MORC1: variants seen among roughly 807,000 people sequenced by gnomAD.
The protein encoded by MORC1 is MORC family CW-type zinc finger 1.
In MORC1, 59 loss-of-function variants were observed where a neutral mutation model predicts 134.9. That is an observed-to-expected ratio of 0.44 (90% CI 0.35 to 0.54). The LOEUF (loss-of-function observed/expected upper bound fraction) is 0.54, where lower values mean the gene tolerates loss of function less well. Ranked by LOEUF, MORC1 falls within the 20% of genes least tolerant of loss-of-function variation. The pLI is 0.00. For missense variants in MORC1, 947 were observed against 1,134.5 expected (o/e 0.83, Z 2.37); for synonymous variants, 395 against 391.7 (o/e 1.01, Z -0.10).
intron 17 of MORC1, among the ~76,000 whole-genome samples, chr3:109,011,573 G>GTGCAA (rs770851052): frequency 2.0e-5 from 3 of 150,244 alleles, no homozygotes; most frequent in Non-Finnish European, 4.4e-5. Context: ...CCAGGCTGAA[G>GTGCAA]TGCAATGGCA....
At chr3:109,042,927 G>T (rs1357251099) in intron 14 of MORC1, among the ~76,000 whole-genome samples, 1 of 152,074 alleles carries the variant, frequency 6.6e-6, no homozygotes, top group Admixed American at 6.6e-5. Context: ...GCTGGGGGAG[G>T]GGGTTGGGGA....
At chr3:108,978,698 A>T (rs1436419847) in intron 24 of MORC1, among the ~76,000 whole-genome samples, 1 of 152,152 alleles carries the variant, frequency 6.6e-6, no homozygotes, top group African/African-American at 2.4e-5. Flanking sequence ...GAGAACTCTC[A>T]TCTTCAGGAA....
At chr3:109,115,011 G>T (rs761842336) in intron 1 of MORC1, among the ~76,000 whole-genome samples, 2 of 152,120 alleles carry the variant, frequency 1.3e-5, no homozygotes, top group African/African-American at 4.8e-5. Context: ...CCAGGTCCTC[G>T]GTAACAGAAT....
At chr3:109,060,660 C>T (rs1169324959) in intron 11 of MORC1, among the ~76,000 whole-genome samples, 1 of 152,010 alleles carries the variant, frequency 6.6e-6, no homozygotes, top group Admixed American at 6.6e-5. Context: ...TTCATCTTCC[C>T]ATAAGAATTT....
chr3:109,069,353 C>T (rs942670042), intron 9 of MORC1, among the ~76,000 whole-genome samples: 2 of 152,106 alleles, frequency 1.3e-5, no homozygotes, highest in African/African-American at 4.8e-5. Context: ...TGGAACTAAT[C>T]ACTGTCATAG....
At chr3:109,011,235 A>G (rs972678555) in intron 17 of MORC1, among the ~76,000 whole-genome samples, 3 of 152,086 alleles carry the variant, frequency 2.0e-5, no homozygotes, top group Non-Finnish European at 4.4e-5. Flanking sequence ...AACCAAAACA[A>G]AAAAAACCCT....
Position 109,041,477 on chromosome 3 carries a change from C to T in MORC1, c.1331-6009G>A, listed in dbSNP as rs577404068. On this transcript the variant is annotated intron_variant, in intron 14 of 27. Coordinates refer to ENST00000232603, the MANE Select transcript of MORC1 (RefSeq NM_014429.4). ...CTGTAATTCTAGCACTTTGGGAGGC[C>T]GAGGTGGGCGGATCACCTGAGATCA... is the stretch of plus-strand genomic sequence containing the variant. Among the ~76,000 whole-genome samples the T allele has an allele frequency of 1.7e-3, 265 of 152,020 alleles. 6 individuals are homozygous for T. The highest frequency in any genetic ancestry group is 6.1e-3 in the African/African-American group (254 of 41,444).
chr3:109,026,073 C>T (rs1949067014), intron 17 of MORC1, among the ~76,000 whole-genome samples: 3 of 152,208 alleles, frequency 2.0e-5, no homozygotes, highest in Admixed American at 2.0e-4. Context: ...TCAAAATTAA[C>T]TGGTTGCCTT....
intron 6 of MORC1, among the ~76,000 whole-genome samples, chr3:109,097,074 C>G (rs1179924029): frequency 6.6e-6 from 1 of 152,028 alleles, no homozygotes; most frequent in Non-Finnish European, 1.5e-5. Flanking sequence ...CAAAAAGACC[C>G]AGCAAGTGAC....
At chr3:109,092,926 G>A (rs976890314) in intron 8 of MORC1, among the ~76,000 whole-genome samples, 2 of 152,032 alleles carry the variant, frequency 1.3e-5, no homozygotes, top group South Asian at 2.1e-4. Flanking sequence ...CTTTCTCCAC[G>A]CTTTTTCATG....
chr3:109,102,567 C>T (rs546004124), intron 4 of MORC1, among the ~76,000 whole-genome samples: 69 of 152,256 alleles, frequency 4.5e-4, no homozygotes, highest in Admixed American at 1.4e-3. Context: ...ATAGATTCTA[C>T]TTTTAGTCAT....
intron 8 of MORC1, among the ~76,000 whole-genome samples, chr3:109,087,002 G>A (rs1264950493): frequency 6.6e-6 from 1 of 151,982 alleles, no homozygotes; most frequent in East Asian, 1.9e-4. Flanking sequence ...GAGAGACTGG[G>A]GGAGCTGAGG....
At chr3:108,988,755 T>C (rs1411513310) in intron 21 of MORC1, among the ~76,000 whole-genome samples, 1 of 152,192 alleles carries the variant, frequency 6.6e-6, no homozygotes, top group Non-Finnish European at 1.5e-5. Context: ...GATGAAAGTA[T>C]CCAAGGTTAA....
At chr3:108,991,251 A>C (rs1052572713) in intron 21 of MORC1, among the ~76,000 whole-genome samples, 1 of 152,232 alleles carries the variant, frequency 6.6e-6, no homozygotes, top group African/African-American at 2.4e-5. Flanking sequence ...TGTAGAGGCC[A>C]AGAGAAACAG....
intron 8 of MORC1, among the ~76,000 whole-genome samples, chr3:109,089,351 G>A (rs1341417090): frequency 2.0e-5 from 3 of 152,132 alleles, no homozygotes; most frequent in African/African-American, 7.2e-5. Flanking sequence ...AGATCTCTAT[G>A]TAAGGAATGC....
chr3:109,028,254 C>T lies in MORC1; in HGVS notation c.1566-365G>A, dbSNP rs1398384486. 6.6e-5 allele frequency among the ~76,000 whole-genome samples: 10 copies of T among 151,946 alleles called. No homozygotes were observed. In the South Asian group the frequency reaches 1.7e-3, roughly 25 times the overall value. The stretch of plus-strand genomic sequence containing the variant: ...CCATTTCCCCCCCCAAAAAAGGTAG[C>T]GAAATATATATGTCTCTTTAAAATA... On this transcript the variant is annotated intron_variant, in intron 16 of 27. Coordinates refer to ENST00000232603, the MANE Select transcript of MORC1 (RefSeq NM_014429.4).
At chr3:108,997,874 T>C (rs1476968304) in intron 21 of MORC1, among the ~76,000 whole-genome samples, 1 of 152,124 alleles carries the variant, frequency 6.6e-6, no homozygotes, top group Non-Finnish European at 1.5e-5. Flanking sequence ...AAAAAAATCC[T>C]TTCAAAAGGC....
intron 16 of MORC1, among the ~76,000 whole-genome samples, chr3:109,030,642 T>A (rs1949220460): frequency 6.6e-6 from 1 of 152,168 alleles, no homozygotes; most frequent in Non-Finnish European, 1.5e-5. Context: ...ATAAGAAAAC[T>A]TTTTTGCACT....
intron 24 of MORC1, among the ~76,000 whole-genome samples, chr3:108,972,838 GC>G (rs1164427737): frequency 9.2e-5 from 14 of 152,070 alleles, no homozygotes; most frequent in Admixed American, 9.2e-4. Flanking sequence ...AAATTCTTTT[GC>G]CTTTAAATTT....
Sources: allele counts gnomAD v4.1 joint callset (sites outside exome capture counted in the v4.1 genomes callset), GRCh38; gene constraint gnomAD v4.1.1; transcripts MANE v1.5; gene names NCBI Gene and HGNC (gene_info 2026-07-23, HGNC 2026-07-21).